The following ZSCAN32 variants were observed in gnomAD, a reference collection of about 807,000 sequenced individuals.
The protein encoded by ZSCAN32 is zinc finger and SCAN domain-containing protein 32.
Under a neutral mutation model 47.4 loss-of-function variants are expected in ZSCAN32, and 52 were observed. The ratio of observed to expected loss-of-function variants is 1.10; its 90% CI spans 0.88 to 1.38. The LOEUF (loss-of-function observed/expected upper bound fraction) is 1.38, where lower values mean the gene tolerates loss of function less well. ZSCAN32 is among the 40% of genes most tolerant of loss of function. The pLI, the probability that ZSCAN32 is intolerant of heterozygous loss-of-function variation, is 0.00. For missense variants in ZSCAN32, 959 were observed against 846.0 expected, an observed-to-expected ratio of 1.13 and a Z score of -1.66; for synonymous variants, 346 against 305.7, an observed-to-expected ratio of 1.13 and a Z score of -1.38.
chr16:3,395,277 T>C (rs558098056), intron 2 of ZSCAN32, among the ~76,000 whole-genome samples: 2 of 152,322 alleles, frequency 1.3e-5, no homozygotes, highest in Admixed American at 6.5e-5. Context: ...CACTTCTTGC[T>C]CTCTCCTTCA....
At position 3,393,826 on chromosome 16, in the gene ZSCAN32, C is replaced by A. The variant is rs920594569; in HGVS notation, c.367-12G>T. The A allele has an allele frequency of 1.4e-5, 21 of 1,532,692 alleles. No homozygotes were observed. The highest frequency in any genetic ancestry group is 1.9e-5 in the Non-Finnish European group (21 of 1,134,416). The allele number at this position is 1,532,692 out of a possible 1,614,324, so 94.9% of individuals were successfully genotyped here. A position where few individuals can be genotyped will look rare whatever the true frequency, so the allele number is the denominator to read the frequency against. On this transcript the variant is annotated splice_polypyrimidine_tract_variant and intron_variant, in intron 2 of 6. Transcript: ENST00000396852. ...TCAGAATCTAGAACCTGAGAACAGACCCCATTATCTATCACTACAAATTCC... is the reference window on the plus strand; with the variant it reads ...TCAGAATCTAGAACCTGAGAACAGAACCCATTATCTATCACTACAAATTCC...
At chr16:3,384,050 G>C (rs934120326) in intron 6 of ZSCAN32, 1 of 437,862 alleles carries the variant, frequency 2.3e-6, no homozygotes, top group Non-Finnish European at 4.0e-6. Context: ...TCTAGCAGCA[G>C]AATAACAAAA....
chr16:3,393,947 G>A, intron 2 of ZSCAN32, 133 bp from the exon 3 acceptor site: 1 of 685,114 alleles, frequency 1.5e-6, no homozygotes, highest in Non-Finnish European at 2.2e-6. Flanking sequence ...CTGTATTGCT[G>A]CTGTAATAAA....
chr16:3,385,216 C>T (rs2031815600), intron 5 of ZSCAN32, among the ~76,000 whole-genome samples: 2 of 152,236 alleles, frequency 1.3e-5, no homozygotes, highest in East Asian at 1.9e-4. Context: ...GTCCCAGCTA[C>T]TCAGGAGGCT....
At chr16:3,387,062 T>A (rs2032098117) in intron 5 of ZSCAN32, among the ~76,000 whole-genome samples, 1 of 152,082 alleles carries the variant, frequency 6.6e-6, no homozygotes, top group African/African-American at 2.4e-5. Flanking sequence ...TTTAGTATAA[T>A]ACAAAAGACA....
rs2031321090 is a variant in ZSCAN32, at chr16:3,382,337, C to G, written c.*515G>C. On this transcript the variant is annotated 3_prime_UTR_variant, in exon 7 of 7. Transcript: ENST00000396852. Reference sequence around the variant, plus strand: ...ATTATCCAATGGCTTAACCATCCTTCCTTCTTTCTGTTTGCTTTTTGGTGG... The same window carrying G: ...ATTATCCAATGGCTTAACCATCCTTGCTTCTTTCTGTTTGCTTTTTGGTGG... The G allele has an allele frequency of 6.6e-6, 1 of 152,434 alleles. No individual in the cohort carries two copies. Among genetic ancestry groups the G allele is most frequent in the African/African-American group, 2.4e-5 (1 of 41,440 alleles). The allele number at this position is 152,434 out of a possible 1,614,324, so 9.4% of individuals were successfully genotyped here.
chr16:3,399,951 AAC>A (rs1344196455), intron 1 of ZSCAN32, among the ~76,000 whole-genome samples: 1 of 152,124 alleles, frequency 6.6e-6, no homozygotes, highest in African/African-American at 2.4e-5. Context: ...ATCTACTTAA[AAC>A]ACAGATTAAA....
In ZSCAN32 at chr16:3,383,636, G is replaced by A. The variant is rs185266177; in HGVS notation, c.1310C>T (p.Ala437Val). Residue 437 changes from alanine to valine, a missense_variant, in exon 7 of 7, where the codon GCT becomes GTT. By Grantham distance (64) the Ala-to-Val change is moderately conservative (BLOSUM62 0). Transcript: ENST00000396852. ...AACTCCTCTGGACTTTCTCTGTAAA[G>A]CCTTGTTTATTTCTACTTCCTCTGA... ...DDSEEVEINK[A>V]LQRKSRGVYW... The A allele has an allele frequency of 5.0e-6, 8 of 1,612,384 alleles. No homozygotes were observed. In the African/African-American group the frequency reaches 1.1e-4, roughly 22 times the overall value.
chr16:3,383,451 A>G lies in ZSCAN32; in HGVS notation c.1495T>C (p.Cys499Arg), dbSNP rs1455914017. Residue 499 changes from cysteine to arginine, a missense_variant, in exon 7 of 7, where the codon TGT (cysteine) becomes CGT (arginine). Coordinates refer to ENST00000396852, the MANE Select transcript of ZSCAN32 (RefSeq NM_001284527.2). ...ARDKACTHIL[C>R]GKNCSQSVHS... Reference sequence around the variant, plus strand: ...ACACTCTGAGAGCAGTTTTTCCCACAGAGGATATGTGTACAGGCTTTGTCC... The same window carrying G: ...ACACTCTGAGAGCAGTTTTTCCCACGGAGGATATGTGTACAGGCTTTGTCC... The G allele has an allele frequency of 6.2e-7, 1 of 1,614,180 alleles. No homozygotes were observed.
rs1380197652 is a variant in ZSCAN32 at position 3,382,861 on chromosome 16, A to T, written c.2085T>A (p.Asp695Glu). ...KAVLSSQEGR[D>E]AL is the part of the protein sequence containing the mutation. ...CAGTTTACCGACACACTCATAACGC[A>T]TCTCTTCCTTCCTGTGATGAGAGTA... Residue 695 changes from aspartate to glutamate, a missense_variant, in exon 7 of 7, where the codon GAT becomes GAA. Coordinates refer to ENST00000396852, the MANE Select transcript of ZSCAN32 (RefSeq NM_001284527.2). The T allele has an allele frequency of 1.6e-5, 25 of 1,562,022 alleles. No homozygotes were observed. The highest frequency in any genetic ancestry group is 2.1e-5 in the Non-Finnish European group (24 of 1,152,388).
Position 3,383,619 on chromosome 16 carries a change from TG to T in ZSCAN32, c.1326del (p.Arg443GlufsTer40). 6.2e-7 allele frequency: 1 copy of T among 1,613,672 alleles called. No homozygotes were observed. Among genetic ancestry groups the T allele is most frequent in the South Asian group, 1.1e-5 (1 of 91,084 alleles). On this transcript the variant is annotated frameshift_variant, in exon 7 of 7. Coordinates refer to ENST00000396852, the MANE Select transcript of ZSCAN32 (RefSeq NM_001284527.2). LOFTEE classifies it low-confidence loss of function (END_TRUNC). Reference sequence around the variant, plus strand: ...AGCTCAGAGTGCCAATAAACTCCTCTGGACTTTCTCTGTAAAGCCTTGTTTA... The same window carrying T: ...AGCTCAGAGTGCCAATAAACTCCTCTGACTTTCTCTGTAAAGCCTTGTTTA... Reference protein sequence around the residue: ...VEINKALQRKSRGVYWHSELQ... With the variant: ...VEINKALQRKXRGVYWHSELQ...
intron 5 of ZSCAN32, among the ~76,000 whole-genome samples, chr16:3,386,820 T>A (rs886219379): frequency 6.6e-6 from 1 of 151,782 alleles, no homozygotes; most frequent in African/African-American, 2.4e-5. Flanking sequence ...AGGGATAGCA[T>A]TTGGAGATAT....
At position 3,383,321 on chromosome 16, in the gene ZSCAN32, ATT is replaced by A. The variant is rs1295948866; in HGVS notation, c.1623_1624del (p.Arg541SerfsTer12). 1 of 1,614,212 alleles carries A rather than the reference ATT, an allele frequency of 6.2e-7. No individual in the cohort carries two copies. Among genetic ancestry groups the A allele is most frequent in the Non-Finnish European group, 8.5e-7 (1 of 1,180,042 alleles). On this transcript the variant is annotated frameshift_variant, in exon 7 of 7. Transcript: ENST00000396852. LOFTEE classifies it low-confidence loss of function (END_TRUNC). ...CTTGTGAGGCTTCTCGCCTGTGTGG[ATT>A]CTTTGATGCCGAACAAGATAAGAAC...
chr16:3,397,064 A>C, intron 2 of ZSCAN32, 128 bp downstream of exon 2: 1 of 1,220,314 alleles, frequency 8.2e-7, no homozygotes, highest in African/African-American at 1.5e-5. Flanking sequence ...GACCAATCCA[A>C]GACAGCCAAG....
chr16:3,393,307 G>T, intron 3 of ZSCAN32, among the ~76,000 whole-genome samples: 1 of 107,516 alleles, frequency 9.3e-6, no homozygotes, highest in African/African-American at 3.7e-5. Context: ...GTGCGATCTT[G>T]GCTGACTGCA....
chr16:3,397,477 C>G lies in ZSCAN32; in HGVS notation c.81G>C (p.Gln27His), dbSNP rs1255837884. 3 of 1,550,640 alleles carry G rather than the reference C, an allele frequency of 1.9e-6. No homozygotes were observed. Among genetic ancestry groups the G allele is most frequent in the Non-Finnish European group, 2.6e-6 (3 of 1,147,010 alleles). Residue 27 changes from glutamine to histidine, a missense_variant, in exon 2 of 7, where the codon CAG becomes CAC. Physicochemically the swap from Gln to His is conservative, Grantham distance 24 (BLOSUM62 0). Coordinates refer to ENST00000396852, the MANE Select transcript of ZSCAN32 (RefSeq NM_001284527.2). ...DPTQGQKSALQGNSPDSEASR... is the reference protein window; with the variant it reads ...DPTQGQKSALHGNSPDSEASR... ...AGGCCTCGGAGTCAGGGCTGTTACC[C>G]TGGAGGGCTGATTTCTGGCCCTGTG...
At chr16:3,385,267 A>G (rs563302812) in intron 5 of ZSCAN32, among the ~76,000 whole-genome samples, 40 of 152,304 alleles carry the variant, frequency 2.6e-4, no homozygotes, top group Non-Finnish European at 4.6e-4. Context: ...CAGAGGTTGC[A>G]GTGAGCTGAG....
chr16:3,386,934 A>G (rs1207701006), intron 5 of ZSCAN32, among the ~76,000 whole-genome samples: 1 of 51,920 alleles, frequency 1.9e-5, no homozygotes, highest in Non-Finnish European at 4.0e-5. Context: ...TAAAGCTTAA[A>G]GTATAAAAAA....
intron 1 of ZSCAN32, among the ~76,000 whole-genome samples, chr16:3,399,891 C>G (rs1440425098): frequency 1.3e-5 from 2 of 152,222 alleles, no homozygotes; most frequent in Admixed American, 1.3e-4. Context: ...CAGGTGTGAG[C>G]CACTGCACCC....
Sources: allele counts gnomAD v4.1 joint callset (sites outside exome capture counted in the v4.1 genomes callset), GRCh38; gene constraint gnomAD v4.1.1; transcripts MANE v1.5; gene names NCBI Gene and HGNC (gene_info 2026-07-23, HGNC 2026-07-21).